The following ULK4 variants were observed in gnomAD, a reference collection of about 807,000 sequenced individuals.
ULK4 encodes inactive serine/threonine-protein kinase ULK4.
In ULK4, 133 loss-of-function variants were observed where a neutral mutation model predicts 160.6. That is an observed-to-expected ratio of 0.83 (90% CI 0.72 to 0.96). The LOEUF (loss-of-function observed/expected upper bound fraction) is 0.96. Among genes scored for constraint, ULK4 ranks in the 40% least tolerant of loss-of-function variants. The pLI is 0.00. For missense variants in ULK4, 1,580 were observed against 1,499.5 expected (o/e 1.05, Z -0.89); for synonymous variants, 534 against 539.8 (o/e 0.99, Z 0.15).
rs2041874599 is a variant in ULK4, at chr3:41,840,364, T to TTGCCCACTCCCTCTCCCTCTCCCC, written c.1657-4394_1657-4393insGGGGAGAGGGAGAGGGAGTGGGCA. 2.6e-5 allele frequency among the ~76,000 whole-genome samples: 4 copies of TTGCCCACTCCCTCTCCCTCTCCCC among 152,112 alleles called. No individual in the cohort carries two copies. The East Asian group carries it at 7.7e-4, about 29-fold the overall frequency. ...AGGTGGCTCTCCTTCTCCCTCTCCCTTGCCCTCTCCCTCTCCCTCTCCCCC... is the reference window on the plus strand; with the variant it reads ...AGGTGGCTCTCCTTCTCCCTCTCCCTTGCCCACTCCCTCTCCCTCTCCCCTGCCCTCTCCCTCTCCCTCTCCCCC... On this transcript the variant is annotated intron_variant, in intron 17 of 36. Transcript: ENST00000301831.
chr3:41,601,035 T>G (rs1182982405), intron 31 of ULK4, among the ~76,000 whole-genome samples: 2 of 152,206 alleles, frequency 1.3e-5, no homozygotes, highest in African/African-American at 4.8e-5. Context: ...ACGAATAAGA[T>G]GTTTTATAAA....
intron 35 of ULK4, among the ~76,000 whole-genome samples, chr3:41,307,400 A>G (rs2079968400): frequency 6.6e-6 from 1 of 152,188 alleles, no homozygotes; most frequent in East Asian, 1.9e-4. Flanking sequence ...TAAGTATGTT[A>G]ATATTTTTCT....
chr3:41,642,520 C>T (rs2125719592), intron 30 of ULK4, among the ~76,000 whole-genome samples: 1 of 152,260 alleles, frequency 6.6e-6, no homozygotes, highest in East Asian at 1.9e-4. Flanking sequence ...GACATGAACT[C>T]ATCATTTTTT....
chr3:41,721,356 A>ATTT (rs1199909788), intron 22 of ULK4, among the ~76,000 whole-genome samples: 11 of 61,624 alleles, frequency 1.8e-4, no homozygotes, highest in African/African-American at 9.6e-4. Context: ...ATATATATAT[A>ATTT]TATATATTTT....
At chr3:41,426,601 A>C (rs932227566) in intron 34 of ULK4, among the ~76,000 whole-genome samples, 5 of 152,182 alleles carry the variant, frequency 3.3e-5, no homozygotes, top group African/African-American at 1.2e-4. Context: ...TTAGAACTCA[A>C]GATTCAGAAA....
At chr3:41,412,581 G>A (rs993135662) in intron 34 of ULK4, among the ~76,000 whole-genome samples, 1 of 80,922 alleles carries the variant, frequency 1.2e-5, no homozygotes, top group Non-Finnish European at 2.4e-5. Flanking sequence ...TTTTTTTTGA[G>A]ACAGAGTCTC....
At chr3:41,501,535 T>C (rs777645127) in intron 32 of ULK4, among the ~76,000 whole-genome samples, 10 of 152,092 alleles carry the variant, frequency 6.6e-5, no homozygotes, top group Non-Finnish European at 1.2e-4. Flanking sequence ...ATATTTAAAA[T>C]TGACAAATAA....
intron 22 of ULK4, among the ~76,000 whole-genome samples, chr3:41,742,149 AC>A (rs138286676): frequency 0.056 from 8,432 of 151,764 alleles, 909 homozygotes; most frequent in African/African-American, 0.19. Flanking sequence ...TTTATCTTCT[AC>A]CTTAACCCAC....
chr3:41,414,547 A>G (rs1418291039), intron 34 of ULK4, among the ~76,000 whole-genome samples: 1 of 152,222 alleles, frequency 6.6e-6, no homozygotes, highest in Non-Finnish European at 1.5e-5. Context: ...TATATGAAAA[A>G]TATTTACTTT....
At chr3:41,792,449 A>G (rs769674280) in intron 20 of ULK4, among the ~76,000 whole-genome samples, 5 of 152,184 alleles carry the variant, frequency 3.3e-5, no homozygotes, top group Non-Finnish European at 7.3e-5. Flanking sequence ...GTCCTTAAAG[A>G]TCAGAATTTT....
chr3:41,680,216 G>T (rs2035876553), intron 29 of ULK4, among the ~76,000 whole-genome samples: 1 of 152,106 alleles, frequency 6.6e-6, no homozygotes, highest in Non-Finnish European at 1.5e-5. Context: ...TATAACAAAT[G>T]TAACTGAAAA....
intron 19 of ULK4, among the ~76,000 whole-genome samples, chr3:41,809,123 C>T (rs1263889606): frequency 6.7e-6 from 1 of 150,260 alleles, no homozygotes; most frequent in East Asian, 1.9e-4. Context: ...CCGTGATCAC[C>T]CCACTGCACT....
At chr3:41,954,206 A>G (rs534299108) in intron 2 of ULK4, among the ~76,000 whole-genome samples, 294 of 151,472 alleles carry the variant, frequency 1.9e-3, no homozygotes, top group African/African-American at 6.8e-3. Context: ...GAAAAATACA[A>G]AAAATTAGCC....
intron 19 of ULK4, among the ~76,000 whole-genome samples, chr3:41,819,108 G>A (rs1308353971): frequency 6.6e-6 from 1 of 152,148 alleles, no homozygotes; most frequent in African/African-American, 2.4e-5. Flanking sequence ...TACTAAACTA[G>A]TGTATCAATA....
At chr3:41,805,788 A>T (rs1284767768) in intron 19 of ULK4, among the ~76,000 whole-genome samples, 2 of 148,314 alleles carry the variant, frequency 1.3e-5, no homozygotes, top group African/African-American at 5.0e-5. Flanking sequence ...GATTACATTT[A>T]TTGATTTGCG....
intron 35 of ULK4, among the ~76,000 whole-genome samples, chr3:41,311,758 C>A (rs2080053583): frequency 6.6e-6 from 1 of 151,350 alleles, no homozygotes; most frequent in Non-Finnish European, 1.5e-5. Context: ...TTAGTAGCGA[C>A]AGGGTTTCCC....
chr3:41,328,099 C>T (rs565653111), intron 35 of ULK4, among the ~76,000 whole-genome samples: 3 of 152,260 alleles, frequency 2.0e-5, no homozygotes, highest in South Asian at 2.1e-4. Context: ...AAGAGTGGAA[C>T]GGCCAGCCCT....
intron 32 of ULK4, among the ~76,000 whole-genome samples, chr3:41,495,448 C>T (rs1335237931): frequency 6.6e-6 from 1 of 151,550 alleles, no homozygotes; most frequent in Admixed American, 6.6e-5. Context: ...TAAAGACTTA[C>T]ATGTTAGACC....
intron 32 of ULK4, among the ~76,000 whole-genome samples, chr3:41,519,526 G>A (rs2085859468): frequency 6.6e-6 from 1 of 152,164 alleles, no homozygotes; most frequent in Admixed American, 6.5e-5. Flanking sequence ...CCTCAGTTGG[G>A]ACACCACACA....
Sources: gnomAD v4.1 joint callset for allele counts (sites outside exome capture counted in the v4.1 genomes callset) on GRCh38, gnomAD v4.1.1 for gene constraint, MANE v1.5 for transcripts, NCBI Gene and HGNC (gene_info 2026-07-23, HGNC 2026-07-21) for gene names.